Variants in BMERB1 observed in about 807,000 individuals in gnomAD.
BMERB1 encodes bMERB domain-containing protein 1.
A neutral mutation model predicts 23.6 loss-of-function variants in BMERB1; 12 were observed. The ratio of observed to expected loss-of-function variants is 0.51; its 90% CI spans 0.33 to 0.82. The LOEUF is 0.82. Among genes scored for constraint, BMERB1 ranks in the 40% least tolerant of loss-of-function variants. The pLI is 0.03. For synonymous variants in BMERB1, 122 were observed against 96.6 expected (o/e 1.26, Z -1.54); for missense variants, 247 against 255.4 (o/e 0.97, Z 0.22).
intron 1 of BMERB1, among the ~76,000 whole-genome samples, chr16:15,493,889 C>T (rs1286227805): frequency 6.6e-6 from 1 of 152,164 alleles, no homozygotes; most frequent in Admixed American, 6.5e-5. Flanking sequence ...TTTAGACAGG[C>T]CCAATTTATT....
intron 1 of BMERB1, among the ~76,000 whole-genome samples, chr16:15,451,925 AG>A (rs913869910): frequency 6.6e-6 from 1 of 151,558 alleles, no homozygotes; most frequent in Non-Finnish European, 1.5e-5. Context: ...TATTTAAATA[AG>A]TTTGCAAAGT....
chr16:15,510,948 C>T (rs921172174), intron 1 of BMERB1, among the ~76,000 whole-genome samples: 9 of 152,032 alleles, frequency 5.9e-5, no homozygotes, highest in South Asian at 2.1e-4. Context: ...GTGATCCGCC[C>T]GCTTCGGCCT....
chr16:15,540,576 G>A (rs1429418072), intron 2 of BMERB1, among the ~76,000 whole-genome samples: 1 of 152,148 alleles, frequency 6.6e-6, no homozygotes, highest in African/African-American at 2.4e-5. Flanking sequence ...TGTTGCCATG[G>A]TAACGTGCAA....
chr16:15,502,358 C>T lies in BMERB1; in HGVS notation c.107-12947C>T, dbSNP rs571948191. 1.9e-4 allele frequency: 292 copies of T among 1,550,890 alleles called. No individual in the cohort carries two copies. The East Asian group carries it at 2.7e-3, about 15-fold the overall frequency. On this transcript the variant is annotated intron_variant, in intron 1 of 5. Transcript: ENST00000300006. ...CCTCACAGAGACGGGATGTATGGGACGGCGGAGTGCAAAGAAAGGTATGAT... is the reference window on the plus strand; with the variant it reads ...CCTCACAGAGACGGGATGTATGGGATGGCGGAGTGCAAAGAAAGGTATGAT...
At chr16:15,550,120 T>C (rs1236556547) in intron 2 of BMERB1, among the ~76,000 whole-genome samples, 1 of 152,120 alleles carries the variant, frequency 6.6e-6, no homozygotes, top group Non-Finnish European at 1.5e-5. Flanking sequence ...TTGTGTTTTT[T>C]AGTAGAGACA....
At chr16:15,502,359 G>A (rs1198917732) in intron 1 of BMERB1, 60 of 1,550,890 alleles carry the variant, frequency 3.9e-5, no homozygotes, top group East Asian at 2.9e-4. Flanking sequence ...TGTATGGGAC[G>A]GCGGAGTGCA....
intron 2 of BMERB1, among the ~76,000 whole-genome samples, chr16:15,519,707 G>T (rs939096188): frequency 6.6e-6 from 1 of 152,116 alleles, no homozygotes; most frequent in African/African-American, 2.4e-5. Flanking sequence ...TTAAGCATGA[G>T]TCCGGGGGGG....
chr16:15,587,116 A>C lies in BMERB1; in HGVS notation c.*287A>C. 2.4e-6 allele frequency: 1 copy of C among 424,942 alleles called. No homozygotes were observed. The highest frequency in any genetic ancestry group is 4.2e-6 in the Non-Finnish European group (1 of 236,470). 26.3% of individuals were successfully genotyped at this position (424,942 alleles called of 1,614,324 possible). ...AGGAAAGGTCCTCCCTCAAAAAAGC[A>C]TATCTCCACTTCTCTCTAGCTGTAT... On this transcript the variant is annotated 3_prime_UTR_variant, in exon 6 of 6. Transcript: ENST00000300006.
intron 1 of BMERB1, among the ~76,000 whole-genome samples, chr16:15,497,746 A>G (rs1369057541): frequency 6.6e-6 from 1 of 152,174 alleles, no homozygotes; most frequent in Non-Finnish European, 1.5e-5. Flanking sequence ...GTCAACAGGA[A>G]CAATGATGAT....
intron 2 of BMERB1, among the ~76,000 whole-genome samples, chr16:15,520,182 G>A (rs1210630595): frequency 6.6e-6 from 1 of 151,872 alleles, no homozygotes; most frequent in East Asian, 1.9e-4. Context: ...TCACCAGCTA[G>A]GATAAAGTAG....
At chr16:15,450,269 ATAT>A (rs1215532407) in intron 1 of BMERB1, among the ~76,000 whole-genome samples, 4 of 152,158 alleles carry the variant, frequency 2.6e-5, no homozygotes, top group African/African-American at 4.8e-5. Flanking sequence ...ATGTCATAAA[ATAT>A]TATTATTCTT....
At chr16:15,512,368 A>G (rs541855568) in intron 1 of BMERB1, among the ~76,000 whole-genome samples, 3 of 152,310 alleles carry the variant, frequency 2.0e-5, no homozygotes, top group South Asian at 4.1e-4. Flanking sequence ...GAAGCCTGCA[A>G]ATCACAGCGC....
In BMERB1 at chr16:15,586,833, C is replaced by G. The variant is rs1372254172; in HGVS notation, c.*4C>G. 2 of 1,590,026 alleles carry G rather than the reference C, an allele frequency of 1.3e-6. No individual in the cohort carries two copies. The highest frequency in any genetic ancestry group is 1.7e-6 in the Non-Finnish European group (2 of 1,167,792). On this transcript the variant is annotated 3_prime_UTR_variant, in exon 6 of 6. Coordinates refer to ENST00000300006, the MANE Select transcript of BMERB1 (RefSeq NM_033201.3). ...CACCCAGTGCAACATCATGTAGCCC[C>G]CACGTGGGGTGCCCTGGGCCATGGG...
At chr16:15,561,317 G>C (rs374172187) in intron 2 of BMERB1, among the ~76,000 whole-genome samples, 1 of 133,674 alleles carries the variant, frequency 7.5e-6, no homozygotes, top group Non-Finnish European at 1.5e-5. Flanking sequence ...TGGCCAGGCT[G>C]GAGTGCAGTG....
At chr16:15,542,041 C>G (rs1176788717) in intron 2 of BMERB1, among the ~76,000 whole-genome samples, 1 of 150,260 alleles carries the variant, frequency 6.7e-6, no homozygotes, top group Non-Finnish European at 1.5e-5. Context: ...CCTCTGCATC[C>G]GGCAGTGCCC....
chr16:15,586,046 C>CA (rs1333645044), intron 5 of BMERB1, among the ~76,000 whole-genome samples: 5 of 151,672 alleles, frequency 3.3e-5, no homozygotes, highest in Non-Finnish European at 7.4e-5. Flanking sequence ...AGTAGACATG[C>CA]AAAAAACTGG....
At chr16:15,501,501 G>A (rs1394665520) in intron 1 of BMERB1, among the ~76,000 whole-genome samples, 1 of 149,720 alleles carries the variant, frequency 6.7e-6, no homozygotes, top group Non-Finnish European at 1.5e-5. Context: ...TTGAGACAGA[G>A]TCTCCCTCTG....
At chr16:15,494,199 A>C (rs983109363) in intron 1 of BMERB1, among the ~76,000 whole-genome samples, 2 of 152,184 alleles carry the variant, frequency 1.3e-5, no homozygotes, top group African/African-American at 4.8e-5. Context: ...TGTTTATGCA[A>C]TTTTAACCGG....
chr16:15,567,382 T>G (rs1312088146), intron 2 of BMERB1, among the ~76,000 whole-genome samples: 4 of 152,142 alleles, frequency 2.6e-5, no homozygotes, highest in Non-Finnish European at 5.9e-5. Flanking sequence ...ATATGCCATA[T>G]GAACCCACTT....
Sources: gnomAD v4.1 joint callset for allele counts (sites outside exome capture counted in the v4.1 genomes callset) on GRCh38, gnomAD v4.1.1 for gene constraint, MANE v1.5 for transcripts, NCBI Gene and HGNC (gene_info 2026-07-23, HGNC 2026-07-21) for gene names.